Variants in PLEKHM2 observed in about 807,000 individuals in gnomAD.
PLEKHM2 encodes pleckstrin homology domain-containing family M member 2.
In PLEKHM2, 77 loss-of-function variants were observed where a neutral mutation model predicts 116.3. The observed-to-expected ratio is 0.66, with a 90% confidence interval of 0.55 to 0.80. The LOEUF (loss-of-function observed/expected upper bound fraction) is 0.80. PLEKHM2 is among the 30% of genes least tolerant of loss of function. The pLI, the probability that PLEKHM2 is intolerant of heterozygous loss-of-function variation, is 0.00. For missense variants in PLEKHM2, 1,183 were observed against 1,354.9 expected, an observed-to-expected ratio of 0.87 and a Z score of 1.99; for synonymous variants, 562 against 571.0, an observed-to-expected ratio of 0.98 and a Z score of 0.22.
At chr1:15,732,171 G>A in intron 17 of PLEKHM2, 123 bp downstream of exon 17, 1 of 1,007,050 alleles carries the variant, frequency 9.9e-7, no homozygotes, top group African/African-American at 1.6e-5. Flanking sequence ...CCAGGGGGCA[G>A]CCCAGGAATG....
chr1:15,698,956 A>G (rs1208429093), intron 1 of PLEKHM2, among the ~76,000 whole-genome samples: 1 of 152,110 alleles, frequency 6.6e-6, no homozygotes, highest in Non-Finnish European at 1.5e-5. Flanking sequence ...ATAATTCACT[A>G]TAATTTGATT....
At position 15,721,711 on chromosome 1, in the gene PLEKHM2, C is replaced by G. The variant is rs987566914; in HGVS notation, c.712+323C>G. Among the ~76,000 whole-genome samples, 2 of 152,126 alleles carry G rather than the reference C, an allele frequency of 1.3e-5. No individual in the cohort carries two copies. Among genetic ancestry groups the G allele is most frequent in the African/African-American group, 2.4e-5 (1 of 41,426 alleles). Reference sequence around the variant, plus strand: ...TGCTCTCGGGGTGTGTAGGGCCTGACCCAGTGAACCAAGACTTGTTCTGGA... The same window carrying G: ...TGCTCTCGGGGTGTGTAGGGCCTGAGCCAGTGAACCAAGACTTGTTCTGGA... On this transcript the variant is annotated intron_variant, in intron 7 of 19. Transcript: ENST00000375799. The surrounding 1 kb of genome is among the most constrained non-coding windows in gnomAD (Gnocchi z 5.1).
At chr1:15,686,709 C>A (rs1640779191) in intron 1 of PLEKHM2, among the ~76,000 whole-genome samples, 1 of 148,206 alleles carries the variant, frequency 6.7e-6, no homozygotes, top group South Asian at 2.1e-4. Context: ...AATGCAGTGG[C>A]CTGATCTCCG....
At position 15,732,364 on chromosome 1, in the gene PLEKHM2, C is replaced by T. The variant is rs779606752; in HGVS notation, c.2640C>T (p.Gly880=). The T allele has an allele frequency of 5.8e-6, 9 of 1,553,886 alleles. No homozygotes were observed. The highest frequency in any genetic ancestry group is 6.1e-6 in the Non-Finnish European group (7 of 1,148,808). The change falls in exon 18 of 20, where the codon GGC becomes GGT. Residue 880 remains glycine (G), a synonymous_variant. Coordinates refer to ENST00000375799, the MANE Select transcript of PLEKHM2 (RefSeq NM_015164.4). ...CCCGCTGCCAGGTCATCCCCCAGGG[C>T]GTAGCTCCCAGCCCCTGCATACCCT... ...QAVSKGVIPQ[G]VAPSPCIPCC...
rs78864556 is a variant in PLEKHM2, at chr1:15,725,252, G to A, written c.713-65G>A. 4,949 of 1,199,602 alleles carry A rather than the reference G, an allele frequency of 4.1e-3. 145 individuals carry two copies. The African/African-American group carries it at 0.065, about 16-fold the overall frequency. 74.3% of individuals were successfully genotyped at this position (1,199,602 alleles called of 1,614,324 possible). A position where few individuals can be genotyped will look rare whatever the true frequency, so the allele number is the denominator to read the frequency against. ...CTGCCTCCCTCCTGGGCTAACGCAT[G>A]CTCTGGGGGTCGGGGACCCCGGGGG... On this transcript the variant is annotated intron_variant, in intron 7 of 19. Transcript: ENST00000375799.
chr1:15,701,807 A>G (rs2148341833), intron 1 of PLEKHM2, among the ~76,000 whole-genome samples: 1 of 152,216 alleles, frequency 6.6e-6, no homozygotes, highest in East Asian at 1.9e-4. Context: ...GAAAAGAAAA[A>G]AGACCCCAGC....
At chr1:15,701,796 A>C (rs1464987905) in intron 1 of PLEKHM2, among the ~76,000 whole-genome samples, 1 of 152,210 alleles carries the variant, frequency 6.6e-6, no homozygotes, top group Non-Finnish European at 1.5e-5. Flanking sequence ...CTCTCAAAAA[A>C]GAAAAGAAAA....
chr1:15,712,566 A>G (rs1013565580), intron 1 of PLEKHM2, among the ~76,000 whole-genome samples: 1 of 152,214 alleles, frequency 6.6e-6, no homozygotes, highest in Admixed American at 6.5e-5. Context: ...AGTATGGTAC[A>G]TCATAATGAT....
Position 15,728,943 on chromosome 1 carries a change from C to T in PLEKHM2, c.1987-159C>T, listed in dbSNP as rs888589472. 2.0e-5 allele frequency among the ~76,000 whole-genome samples: 3 copies of T among 152,222 alleles called. No individual in the cohort carries two copies. The highest frequency in any genetic ancestry group is 7.2e-5 in the African/African-American group (3 of 41,452). Reference sequence around the variant, plus strand: ...TCCCGTGCTAGACTTCTGACCGTCCCTCCCTCACTCATGCCAGCCCCTGGC... The same window carrying T: ...TCCCGTGCTAGACTTCTGACCGTCCTTCCCTCACTCATGCCAGCCCCTGGC... On this transcript the variant is annotated intron_variant, in intron 12 of 19. Transcript: ENST00000375799. The surrounding 1 kb of genome is among the most constrained non-coding windows in gnomAD (Gnocchi z 5.9).
In PLEKHM2 at chr1:15,729,941, G is replaced by A. The variant is rs1557662081; in HGVS notation, c.2208+12G>A. On this transcript the variant is annotated intron_variant, in intron 14 of 19. Coordinates refer to ENST00000375799, the MANE Select transcript of PLEKHM2 (RefSeq NM_015164.4). The surrounding 1 kb of genome is among the most constrained non-coding windows in gnomAD (Gnocchi z 4.7). ...AATCGAAGTGTGAGGTAAGAACCTG[G>A]GGAGGAAGCTGAGTGCAGCCCCTGA... is the stretch of plus-strand genomic sequence containing the variant. 6 of 1,607,566 alleles carry A rather than the reference G, an allele frequency of 3.7e-6. No homozygotes were observed. The highest frequency in any genetic ancestry group is 5.1e-6 in the Non-Finnish European group (6 of 1,178,598).
chr1:15,682,612 C>G (rs888121108), upstream of PLEKHM2, among the ~76,000 whole-genome samples: 1 of 144,216 alleles, frequency 6.9e-6, no homozygotes, highest in African/African-American at 2.7e-5. Context: ...GAGCAAGGCT[C>G]TGTCTCAAAA....
At position 15,686,648 on chromosome 1, in the gene PLEKHM2, A is replaced by ATTTTTTTTTTTTTTTTTTTT. The variant is rs1233033159; in HGVS notation, c.60+2048_60+2049insTTTTTTTTTTTTTTTTTTTT. Among the ~76,000 whole-genome samples the ATTTTTTTTTTTTTTTTTTTT allele has an allele frequency of 2.0e-3, 262 of 134,100 alleles. 6 individuals are homozygous for ATTTTTTTTTTTTTTTTTTTT. The highest frequency in any genetic ancestry group is 7.4e-3 in the African/African-American group (248 of 33,574). The allele number at this position is 134,100 out of a possible 152,430, so 88.0% of individuals were successfully genotyped here. A position where few individuals can be genotyped will look rare whatever the true frequency, so the allele number is the denominator to read the frequency against. On this transcript the variant is annotated intron_variant, in intron 1 of 19. Coordinates refer to ENST00000375799, the MANE Select transcript of PLEKHM2 (RefSeq NM_015164.4). Reference sequence around the variant, plus strand: ...GGTGTGCGCCACCACACCCGGCTAAATTTTTTTTTTTTTTTTTTGAGACGG... The same window carrying ATTTTTTTTTTTTTTTTTTTT: ...GGTGTGCGCCACCACACCCGGCTAAATTTTTTTTTTTTTTTTTTTTTTTTTTTTTTTTTTTTTTGAGACGG...
chr1:15,716,156 T>A, intron 1 of PLEKHM2, 81 bp from the exon 2 acceptor site: 4 of 867,578 alleles, frequency 4.6e-6, no homozygotes, highest in South Asian at 4.5e-5. Flanking sequence ...TAATTTTTTT[T>A]AGCTACCTTC....
At chr1:15,689,371 C>T (rs982526752) in intron 1 of PLEKHM2, among the ~76,000 whole-genome samples, 7 of 152,094 alleles carry the variant, frequency 4.6e-5, no homozygotes, top group South Asian at 2.1e-4. Context: ...GATGGTCTTC[C>T]GAGGACAGGC....
chr1:15,733,595 C>T (rs758910315), intron 19 of PLEKHM2, among the ~76,000 whole-genome samples: 5 of 152,216 alleles, frequency 3.3e-5, no homozygotes, highest in African/African-American at 7.2e-5. Context: ...AGAGGGAGCT[C>T]GGGGGGCACC....
intron 1 of PLEKHM2, among the ~76,000 whole-genome samples, 195 bp from the exon 2 acceptor site, chr1:15,716,042 A>T (rs904486117): frequency 6.6e-6 from 1 of 152,220 alleles, no homozygotes; most frequent in African/African-American, 2.4e-5. Flanking sequence ...GGCTGTAAAG[A>T]TACAGCTGTT....
chr1:15,706,961 G>A (rs1454574060), intron 1 of PLEKHM2, among the ~76,000 whole-genome samples: 1 of 152,142 alleles, frequency 6.6e-6, no homozygotes, highest in East Asian at 1.9e-4. Flanking sequence ...CAGCTCCTCA[G>A]CCGAGCCTAT....
intron 1 of PLEKHM2, among the ~76,000 whole-genome samples, chr1:15,711,166 A>T (rs941048016): frequency 3.3e-5 from 5 of 152,308 alleles, no homozygotes; most frequent in Non-Finnish European, 7.3e-5. Context: ...GTTCGAGAGC[A>T]GCCTGGGCAA....
In PLEKHM2 at chr1:15,732,472, C is replaced by T; in HGVS notation, c.2748C>T (p.Ala916=). 1 of 1,605,294 alleles carries T rather than the reference C, an allele frequency of 6.2e-7. No homozygotes were observed. Among genetic ancestry groups the T allele is most frequent in the Non-Finnish European group, 8.5e-7 (1 of 1,176,294 alleles). The change falls in exon 18 of 20, where the codon GCC becomes GCT. Residue 916 remains alanine, a synonymous_variant. Coordinates refer to ENST00000375799, the MANE Select transcript of PLEKHM2 (RefSeq NM_015164.4). Reference sequence around the variant, plus strand: ...GCTTCTTCCGCTCTTTGGGCACAGCCAAGCTGGGCGACATCAGCGCCGTCT... The same window carrying T: ...GCTTCTTCCGCTCTTTGGGCACAGCTAAGCTGGGCGACATCAGCGCCGTCT... ...QTSFFRSLGT[A]KLGDISAVST...
Sources: gnomAD v4.1 joint callset for allele counts (sites outside exome capture counted in the v4.1 genomes callset) on GRCh38, gnomAD v4.1.1 for gene constraint, Gnocchi (gnomAD v3.1) non-coding constraint, MANE v1.5 for transcripts, NCBI Gene and HGNC (gene_info 2026-07-23, HGNC 2026-07-21) for gene names.